PTPRD: variants seen among roughly 807,000 people sequenced by gnomAD.
The protein encoded by PTPRD is receptor-type tyrosine-protein phosphatase delta.
PTPRD carries 34 observed loss-of-function variants against 214.5 expected under a neutral mutation model. The ratio of observed to expected loss-of-function variants is 0.16; its 90% CI spans 0.12 to 0.21. The LOEUF is 0.21. Among genes scored for constraint, PTPRD ranks in the 10% least tolerant of loss-of-function variants. The pLI is 1.00. For missense variants in PTPRD, 2,545 were observed against 2,398.7 expected (o/e 1.06, Z -1.27); for synonymous variants, 1,128 against 845.7 (o/e 1.33, Z -5.79).
At chr9:8,521,930 A>G (rs1264143857) in intron 19 of PTPRD, among the ~76,000 whole-genome samples, 1 of 152,212 alleles carries the variant, frequency 6.6e-6, no homozygotes, top group South Asian at 2.1e-4. Flanking sequence ...AGGGGGCTGG[A>G]AGGTCACCAG....
chr9:9,812,675 A>G (rs951122670), intron 5 of PTPRD, among the ~76,000 whole-genome samples: 1 of 152,176 alleles, frequency 6.6e-6, no homozygotes, highest in Non-Finnish European at 1.5e-5. Flanking sequence ...AAGAAAATAT[A>G]AACAGGACTG....
At chr9:10,549,083 C>T (rs964783528) in intron 2 of PTPRD, among the ~76,000 whole-genome samples, 1 of 152,146 alleles carries the variant, frequency 6.6e-6, no homozygotes, top group Non-Finnish European at 1.5e-5. Context: ...ATATTAATTA[C>T]ATCAACTTAT....
intron 14 of PTPRD, among the ~76,000 whole-genome samples, chr9:8,559,305 C>T (rs2085223801): frequency 6.6e-6 from 1 of 152,100 alleles, no homozygotes; most frequent in African/African-American, 2.4e-5. Context: ...TGATAAATAT[C>T]CCAGTTATCC....
At chr9:10,480,027 T>A (rs577780553) in intron 2 of PTPRD, among the ~76,000 whole-genome samples, 2 of 152,184 alleles carry the variant, frequency 1.3e-5, no homozygotes, top group African/African-American at 2.4e-5. Flanking sequence ...AAGATATGAA[T>A]GATTGTTCTC....
At chr9:9,631,264 G>T (rs2095584499) in intron 7 of PTPRD, among the ~76,000 whole-genome samples, 1 of 151,130 alleles carries the variant, frequency 6.6e-6, no homozygotes, top group African/African-American at 2.4e-5. Context: ...TGAGCTCTGG[G>T]TGGAGTATAG....
In PTPRD at chr9:8,484,245, T is replaced by C; in HGVS notation, c.3287A>G (p.Gln1096Arg). 1 of 1,614,156 alleles carries C rather than the reference T, an allele frequency of 6.2e-7. No homozygotes were observed. Among genetic ancestry groups the C allele is most frequent in the Non-Finnish European group, 8.5e-7 (1 of 1,180,014 alleles). Residue 1096 changes from glutamine (Q) to arginine (R), a missense_variant, in exon 30 of 46, where the codon CAG becomes CGG. Gln to Arg is a conservative substitution (Grantham distance 43). Coordinates refer to ENST00000381196, the MANE Select transcript of PTPRD (RefSeq NM_002839.4). ...TGCAGTCTTTGCCGTGACCCTGTGC[T>C]GCAGCCCACCAGCACTGTTTCCACG... The part of the protein sequence containing the change: ...TNRGNSAGGL[Q>R]HRVTAKTAPD...
At chr9:8,926,096 C>G (rs1342111167) in intron 11 of PTPRD, among the ~76,000 whole-genome samples, 1 of 151,984 alleles carries the variant, frequency 6.6e-6, no homozygotes, top group East Asian at 1.9e-4. Context: ...TCTAGTCATT[C>G]CCAAGCTTCT....
At chr9:9,708,896 A>T (rs1394410811) in intron 7 of PTPRD, among the ~76,000 whole-genome samples, 1 of 152,016 alleles carries the variant, frequency 6.6e-6, no homozygotes, top group African/African-American at 2.4e-5. Context: ...AATTCTGCAA[A>T]CTAGAATATT....
intron 10 of PTPRD, among the ~76,000 whole-genome samples, chr9:9,143,899 T>C (rs2099864259): frequency 6.6e-6 from 1 of 152,252 alleles, no homozygotes; most frequent in Non-Finnish European, 1.5e-5. Flanking sequence ...TTACACGTAA[T>C]ACCTCAGTAC....
Position 8,637,981 on chromosome 9 carries a change from T to G in PTPRD, c.65-1137A>C, listed in dbSNP as rs114907720. ...AGTAAATAAAACACTAATAATGGTG[T>G]TCAGGAGGAGGCATTTTAATTATTT... On this transcript the variant is annotated intron_variant, in intron 12 of 45. Coordinates refer to ENST00000381196, the MANE Select transcript of PTPRD (RefSeq NM_002839.4). Among the ~76,000 whole-genome samples, 762 of 152,252 alleles carry G rather than the reference T, an allele frequency of 5.0e-3. 12 individuals are homozygous for G. The highest frequency in any genetic ancestry group is 0.018 in the African/African-American group (733 of 41,548).
chr9:9,395,198 A>G (rs1402903235), intron 9 of PTPRD, among the ~76,000 whole-genome samples: 1 of 151,874 alleles, frequency 6.6e-6, no homozygotes, highest in Non-Finnish European at 1.5e-5. Context: ...AAAAAAAAAA[A>G]AAAGTATGGG....
intron 2 of PTPRD, among the ~76,000 whole-genome samples, chr9:10,583,540 C>T (rs2072807234): frequency 6.6e-6 from 1 of 152,006 alleles, no homozygotes; most frequent in Admixed American, 6.6e-5. Context: ...CAAGCTCCGC[C>T]TCCCGGGTTC....
At chr9:10,516,050 CT>C (rs1425749397) in intron 2 of PTPRD, among the ~76,000 whole-genome samples, 8 of 151,818 alleles carry the variant, frequency 5.3e-5, no homozygotes, top group Admixed American at 5.3e-4. Flanking sequence ...GTGCTAATAT[CT>C]TTTTTAAGAT....
chr9:8,619,225 T>A (rs137927916), intron 14 of PTPRD, among the ~76,000 whole-genome samples: 239 of 152,218 alleles, frequency 1.6e-3, no homozygotes, highest in African/African-American at 5.5e-3. Flanking sequence ...GTACCCATTC[T>A]CTTAGCATCT....
chr9:8,959,646 G>A (rs1037503580), intron 11 of PTPRD, among the ~76,000 whole-genome samples: 1 of 151,906 alleles, frequency 6.6e-6, no homozygotes, highest in African/African-American at 2.4e-5. Context: ...TTAAAATAAA[G>A]TCTATATTTA....
chr9:10,245,779 T>C lies in PTPRD; in HGVS notation c.-545+95184A>G, dbSNP rs564270409. On this transcript the variant is annotated intron_variant, in intron 3 of 45. Transcript: ENST00000381196. ...AAGACAGATGTGGCAGGGAGAGAGA[T>C]TGATAAAGTAGGTGAGGCAATATAT... Among the ~76,000 whole-genome samples, 17 of 152,030 alleles carry C rather than the reference T, an allele frequency of 1.1e-4. No individual in the cohort carries two copies. The East Asian group carries it at 1.2e-3, about 10-fold the overall frequency.
At chr9:10,453,536 C>T (rs891789500) in intron 2 of PTPRD, among the ~76,000 whole-genome samples, 12 of 151,354 alleles carry the variant, frequency 7.9e-5, no homozygotes, top group African/African-American at 2.4e-4. Context: ...TAAATGTATT[C>T]CTAAGTATTT....
intron 11 of PTPRD, among the ~76,000 whole-genome samples, chr9:8,831,910 C>G (rs201410564): frequency 6.6e-6 from 1 of 151,814 alleles, no homozygotes; most frequent in African/African-American, 2.4e-5. Flanking sequence ...TCCTTTAGTG[C>G]TTTTTTTGAC....
At chr9:9,569,918 A>G (rs1359337084) in intron 8 of PTPRD, among the ~76,000 whole-genome samples, 3 of 151,544 alleles carry the variant, frequency 2.0e-5, no homozygotes, top group Non-Finnish European at 3.0e-5. Flanking sequence ...ATTCAGACTA[A>G]AGGATTTAGG....
Sources: allele counts gnomAD v4.1 joint callset (sites outside exome capture counted in the v4.1 genomes callset), GRCh38; gene constraint gnomAD v4.1.1; transcripts MANE v1.5; gene names NCBI Gene and HGNC (gene_info 2026-07-23, HGNC 2026-07-21).